RFC3: variants seen among roughly 807,000 people sequenced by gnomAD.
RFC3 encodes the protein replication factor C subunit 3, also known as A1 38 kDa subunit.
RFC3 carries 41 observed loss-of-function variants against 45.1 expected under a neutral mutation model. That is an observed-to-expected ratio of 0.91 (90% CI 0.71 to 1.18). The LOEUF is 1.18. Among genes scored for constraint, RFC3 ranks in the 50% most tolerant of loss-of-function variants. The pLI, the probability that RFC3 is intolerant of heterozygous loss-of-function variation, is 0.00. For missense variants in RFC3, 423 were observed against 428.1 expected (o/e 0.99, Z 0.10); for synonymous variants, 149 against 144.0 (o/e 1.03, Z -0.25).
At chr13:33,964,551 C>T (rs999648515) in intron 8 of RFC3, among the ~76,000 whole-genome samples, 1 of 152,206 alleles carries the variant, frequency 6.6e-6, no homozygotes, top group Non-Finnish European at 1.5e-5. Context: ...GCATCTTCCC[C>T]ATCATCCCCG....
chr13:33,941,286 T>C (rs775995106), intron 8 of RFC3, among the ~76,000 whole-genome samples: 4 of 152,110 alleles, frequency 2.6e-5, no homozygotes, highest in Non-Finnish European at 5.9e-5. Flanking sequence ...CACCCTTCAA[T>C]GTGTCTGCGC....
At chr13:33,903,002 C>T (rs1593679969) in intron 8 of RFC3, among the ~76,000 whole-genome samples, 1 of 152,068 alleles carries the variant, frequency 6.6e-6, no homozygotes, top group African/African-American at 2.4e-5. Context: ...CATCCTGGGC[C>T]GCATGTGGCC....
At chr13:33,833,178 C>T (rs1444642937) in intron 7 of RFC3, among the ~76,000 whole-genome samples, 1 of 152,114 alleles carries the variant, frequency 6.6e-6, no homozygotes, top group Admixed American at 6.5e-5. Flanking sequence ...CAAATGATTA[C>T]TTCTGATTTC....
intron 7 of RFC3, among the ~76,000 whole-genome samples, chr13:33,832,924 T>A (rs2082117547): frequency 6.6e-6 from 1 of 152,228 alleles, no homozygotes; most frequent in African/African-American, 2.4e-5. Flanking sequence ...TACTTGATTA[T>A]TCCTTTGCTT....
intron 8 of RFC3, among the ~76,000 whole-genome samples, chr13:33,898,782 A>G (rs1005315741): frequency 6.6e-6 from 1 of 151,878 alleles, no homozygotes; most frequent in Admixed American, 6.6e-5. Context: ...GAGAAAATCC[A>G]GGTAAATAAA....
intron 2 of RFC3, among the ~76,000 whole-genome samples, chr13:33,822,297 G>A (rs559226484): frequency 6.6e-6 from 1 of 152,280 alleles, no homozygotes; most frequent in South Asian, 2.1e-4. Context: ...TCCCAGATGG[G>A]TGGCTTAATA....
intron 8 of RFC3, 32 bp from the exon 9 acceptor site, chr13:33,836,072 T>A (rs750068057): frequency 1.3e-6 from 2 of 1,581,030 alleles, no homozygotes; most frequent in African/African-American, 1.4e-5. Context: ...TTTTTATTAA[T>A]GATTTTTAAA....
At chr13:33,927,770 G>GT (rs2082823545) in intron 8 of RFC3, among the ~76,000 whole-genome samples, 1 of 152,108 alleles carries the variant, frequency 6.6e-6, no homozygotes, top group Non-Finnish European at 1.5e-5. Flanking sequence ...GAGAGGCCTG[G>GT]TGTGTGGGTG....
chr13:33,953,098 AT>A (rs2083000444), intron 8 of RFC3, among the ~76,000 whole-genome samples: 1 of 152,168 alleles, frequency 6.6e-6, no homozygotes, highest in African/African-American at 2.4e-5. Flanking sequence ...GAAATTAAAT[AT>A]ATAATTTTGG....
intron 8 of RFC3, among the ~76,000 whole-genome samples, chr13:33,851,399 G>T (rs1752885630): frequency 6.6e-6 from 1 of 151,994 alleles, no homozygotes; most frequent in Non-Finnish European, 1.5e-5. Context: ...ACCAACAACA[G>T]AAATACTCAG....
chr13:33,953,324 TAA>T (rs11342304), intron 8 of RFC3, among the ~76,000 whole-genome samples: 2,481 of 105,540 alleles, frequency 0.024, 30 homozygotes, highest in Middle Eastern at 0.042. Flanking sequence ...TGTTGCTCTT[TAA>T]AAAAAAAAAA....
chr13:33,953,563 T>C (rs1158265607), intron 8 of RFC3, among the ~76,000 whole-genome samples: 2 of 152,164 alleles, frequency 1.3e-5, no homozygotes, highest in African/African-American at 4.8e-5. Flanking sequence ...TATTTGCTTA[T>C]TTCCTAAGGA....
intron 7 of RFC3, among the ~76,000 whole-genome samples, chr13:33,831,573 T>C (rs2082105058): frequency 6.6e-6 from 1 of 152,260 alleles, no homozygotes; most frequent in Non-Finnish European, 1.5e-5. Context: ...TATCATGGCT[T>C]ACATGTGATC....
At chr13:33,878,748 G>A (rs961518186) in intron 8 of RFC3, among the ~76,000 whole-genome samples, 1 of 152,080 alleles carries the variant, frequency 6.6e-6, no homozygotes, top group Non-Finnish European at 1.5e-5. Context: ...CCAAGAAATT[G>A]TCTATAATTT....
chr13:33,954,269 T>G (rs932645022), intron 8 of RFC3, among the ~76,000 whole-genome samples: 2 of 152,218 alleles, frequency 1.3e-5, no homozygotes, highest in African/African-American at 4.8e-5. Flanking sequence ...GGCACAATTA[T>G]TAGAGTTTCA....
At chr13:33,897,039 G>T (rs564032012) in intron 8 of RFC3, among the ~76,000 whole-genome samples, 8 of 151,776 alleles carry the variant, frequency 5.3e-5, no homozygotes, top group Non-Finnish European at 1.2e-4. Flanking sequence ...AAAAGAAAAG[G>T]AAAACAAAAA....
chr13:33,859,017 C>G (rs1377630665), intron 8 of RFC3, among the ~76,000 whole-genome samples: 1 of 152,224 alleles, frequency 6.6e-6, no homozygotes, highest in East Asian at 1.9e-4. Flanking sequence ...CTCTCCCTGA[C>G]TTCTGGGACT....
At position 33,908,227 on chromosome 13, in the gene RFC3, A is replaced by G. The variant is rs185144844; in HGVS notation, c.880-57860A>G. Among the ~76,000 whole-genome samples the G allele has an allele frequency of 7.2e-5, 11 of 152,118 alleles. No homozygotes were observed. In the South Asian group the frequency reaches 1.9e-3, roughly 26 times the overall value. ...AGTTTGGCAGTTGTTTTAAAAGGATAATGTCTTCTGAACAACCTATTAGAA... is the reference window on the plus strand; with the variant it reads ...AGTTTGGCAGTTGTTTTAAAAGGATGATGTCTTCTGAACAACCTATTAGAA... On this transcript the variant is annotated intron_variant, in intron 8 of 8. Transcript: ENST00000434425.
intron 8 of RFC3, among the ~76,000 whole-genome samples, chr13:33,861,407 C>G (rs973732023): frequency 6.6e-6 from 1 of 151,978 alleles, no homozygotes; most frequent in Admixed American, 6.6e-5. Flanking sequence ...GCGGGCAGAT[C>G]GCCTGAGGTC....
Sources: allele counts gnomAD v4.1 joint callset (sites outside exome capture counted in the v4.1 genomes callset), GRCh38; gene constraint gnomAD v4.1.1; transcripts MANE v1.5; gene names NCBI Gene and HGNC (gene_info 2026-07-23, HGNC 2026-07-21).